The following RELL1 variants were observed in gnomAD, a reference collection of about 807,000 sequenced individuals.
The protein encoded by RELL1 is RELT-like protein 1.
RELL1 carries 10 observed loss-of-function variants against 23.0 expected under a neutral mutation model. The ratio of observed to expected loss-of-function variants is 0.43; its 90% CI spans 0.27 to 0.74. The LOEUF is 0.74. Ranked by LOEUF, RELL1 falls within the 30% of genes least tolerant of loss-of-function variation. The pLI, the probability that RELL1 is intolerant of heterozygous loss-of-function variation, is 0.19. For missense variants in RELL1, 315 were observed against 364.4 expected (o/e 0.86, Z 1.10); for synonymous variants, 146 against 146.8 (o/e 0.99, Z 0.04).
chr4:37,604,824 CACACACAT>C (rs1719122153), intron 6 of RELL1, among the ~76,000 whole-genome samples: 2 of 98,824 alleles, frequency 2.0e-5, no homozygotes, highest in East Asian at 4.5e-4. Context: ...CACACACAGA[CACACACAT>C]ACACACAGAC....
At chr4:37,672,277 G>T (rs1721860484) in intron 1 of RELL1, among the ~76,000 whole-genome samples, 1 of 151,948 alleles carries the variant, frequency 6.6e-6, no homozygotes, top group Non-Finnish European at 1.5e-5. Context: ...CTACCTGGGG[G>T]CCCACCAAGA....
At chr4:37,617,480 A>G (rs1719613548) in intron 6 of RELL1, among the ~76,000 whole-genome samples, 1 of 152,220 alleles carries the variant, frequency 6.6e-6, no homozygotes, top group Admixed American at 6.5e-5. Flanking sequence ...CTGAAATATT[A>G]ATTAAAAACT....
intron 6 of RELL1, chr4:37,623,209 C>T (rs1719829784): frequency 4.4e-6 from 1 of 225,174 alleles, no homozygotes. Context: ...TGGAAGAAAA[C>T]TGAATGGCTC....
At chr4:37,593,762 A>G (rs908770865) in intron 6 of RELL1, among the ~76,000 whole-genome samples, 1 of 152,192 alleles carries the variant, frequency 6.6e-6, no homozygotes, top group Admixed American at 6.5e-5. Flanking sequence ...AGCCTGGGAT[A>G]CAGCTGGTTT....
At chr4:37,651,057 C>CA (rs370325360) in intron 1 of RELL1, among the ~76,000 whole-genome samples, 2,089 of 120,696 alleles carry the variant, frequency 0.017, 29 homozygotes, top group East Asian at 0.065. Context: ...AAGACTGTCT[C>CA]AAAAAAAAAA....
intron 1 of RELL1, among the ~76,000 whole-genome samples, chr4:37,683,869 C>T (rs1299991455): frequency 6.6e-6 from 1 of 151,792 alleles, no homozygotes; most frequent in Non-Finnish European, 1.5e-5. Flanking sequence ...ATCACGAGGT[C>T]AGGAGATGGA....
chr4:37,588,160 C>G (rs796957050), downstream of RELL1: 6 of 152,300 alleles, frequency 3.9e-5, no homozygotes, highest in African/African-American at 1.4e-4. Flanking sequence ...GGTCAGGGAA[C>G]AGTGGGCAAG....
At position 37,655,303 on chromosome 4, in the gene RELL1, C is replaced by T. The variant is rs202046627; in HGVS notation, c.89-5803G>A. 1.2e-4 allele frequency among the ~76,000 whole-genome samples: 18 copies of T among 151,904 alleles called. No homozygotes were observed. In the East Asian group the frequency reaches 3.3e-3, roughly 28 times the overall value. ...GGTGTTATGGTTTGAATTTTGTCAC[C>T]CCCTCCTAAATTTATATGTTGAGCT... On this transcript the variant is annotated intron_variant, in intron 1 of 6. Transcript: ENST00000454158.
intron 6 of RELL1, among the ~76,000 whole-genome samples, chr4:37,613,764 G>T (rs1358981623): frequency 6.6e-6 from 1 of 152,122 alleles, no homozygotes; most frequent in African/African-American, 2.4e-5. Flanking sequence ...GGTCTTTATT[G>T]TACCTTCAGG....
chr4:37,616,417 T>G (rs994398742), intron 6 of RELL1, among the ~76,000 whole-genome samples: 4 of 152,220 alleles, frequency 2.6e-5, no homozygotes, highest in African/African-American at 4.8e-5. Context: ...TCTGGTACCC[T>G]CGCTTCTCTG....
chr4:37,636,392 G>A lies in RELL1; in HGVS notation c.444-1269C>T, dbSNP rs572445016. On this transcript the variant is annotated intron_variant, in intron 4 of 6. Coordinates refer to ENST00000454158, the MANE Select transcript of RELL1 (RefSeq NM_001085400.2). ...GGGCAGATCACGAGGTCAGGAGATC[G>A]AGACCATCCTGGCTAACACAATGAA... Among the ~76,000 whole-genome samples the A allele has an allele frequency of 2.1e-3, 315 of 152,150 alleles. 1 individual carries two copies. Among genetic ancestry groups the A allele is most frequent in the Middle Eastern group, 0.01 (3 of 294 alleles).
At chr4:37,638,919 T>G (rs1485460860) in intron 3 of RELL1, among the ~76,000 whole-genome samples, 2 of 152,232 alleles carry the variant, frequency 1.3e-5, no homozygotes, top group Non-Finnish European at 2.9e-5. Flanking sequence ...GAAATGTATT[T>G]CATAAGTGAC....
intron 1 of RELL1, among the ~76,000 whole-genome samples, chr4:37,674,319 A>C (rs919006): frequency 0.91 from 139,202 of 152,298 alleles, 63,923 homozygotes; most frequent in Non-Finnish European, 0.96. Context: ...GCACACTGTA[A>C]AGAATGATCT....
intron 3 of RELL1, among the ~76,000 whole-genome samples, chr4:37,646,064 G>A (rs1720700533): frequency 6.6e-6 from 1 of 152,168 alleles, no homozygotes; most frequent in Admixed American, 6.5e-5. Context: ...AGCTCTATCA[G>A]TCCACGAGCC....
intron 1 of RELL1, among the ~76,000 whole-genome samples, chr4:37,657,647 A>C (rs1721172076): frequency 6.6e-6 from 1 of 152,170 alleles, no homozygotes; most frequent in Admixed American, 6.5e-5. Context: ...TTTTAACATA[A>C]AAAGCAAGGC....
intron 3 of RELL1, among the ~76,000 whole-genome samples, chr4:37,639,580 C>T (rs1560341486): frequency 6.6e-6 from 1 of 151,692 alleles, no homozygotes; most frequent in Non-Finnish European, 1.5e-5. Flanking sequence ...ACATCCACAT[C>T]CACACGCCAT....
intron 1 of RELL1, among the ~76,000 whole-genome samples, chr4:37,658,703 C>T (rs992804995): frequency 3.3e-5 from 5 of 152,176 alleles, no homozygotes; most frequent in Admixed American, 6.5e-5. Context: ...TCTACCAATG[C>T]CTAAAGTACA....
chr4:37,606,897 T>C (rs761635018), downstream of RELL1, among the ~76,000 whole-genome samples: 4 of 152,108 alleles, frequency 2.6e-5, no homozygotes, highest in African/African-American at 7.2e-5. The surrounding 1 kb of genome is among the most constrained non-coding windows in gnomAD (Gnocchi z 4.1). Context: ...AATAGTAACT[T>C]TACCAAAATG....
At chr4:37,586,444 AAG>A (rs1718343917), downstream of RELL1, among the ~76,000 whole-genome samples, 1 of 152,176 alleles carries the variant, frequency 6.6e-6, no homozygotes, top group African/African-American at 2.4e-5. Context: ...ACGGTAAGGA[AAG>A]AGGGTGGCAA....
Sources: allele counts gnomAD v4.1 joint callset (sites outside exome capture counted in the v4.1 genomes callset), GRCh38; gene constraint gnomAD v4.1.1; non-coding constraint Gnocchi (gnomAD v3.1); transcripts MANE v1.5; gene names NCBI Gene and HGNC (gene_info 2026-07-23, HGNC 2026-07-21).